The following HMGA2 variants were observed in gnomAD, a reference collection of about 807,000 sequenced individuals.
The protein encoded by HMGA2 is high mobility group protein HMGI-C.
HMGA2 carries 8 observed loss-of-function variants against 19.1 expected under a neutral mutation model. That is an observed-to-expected ratio of 0.42 (90% CI 0.25 to 0.76). HMGA2 has a LOEUF of 0.76. HMGA2 is among the 30% of genes least tolerant of loss of function. The probability of loss-of-function intolerance (pLI) is 0.28; values close to 1 mark genes in which losing one functional copy is unlikely to be tolerated. For missense variants in HMGA2, 109 were observed against 136.3 expected (o/e 0.80, Z 1.00); for synonymous variants, 60 against 48.8 (o/e 1.23, Z -0.96).
At chr12:65,862,374 A>C (rs540366189) in intron 3 of HMGA2, among the ~76,000 whole-genome samples, 123 of 152,060 alleles carry the variant, frequency 8.1e-4, no homozygotes, top group African/African-American at 2.8e-3. Flanking sequence ...CAGTACCACC[A>C]CCACTACTAC....
In HMGA2 at chr12:65,837,585, C is replaced by T. The variant is rs552619209; in HGVS notation, c.199-934C>T. 2.4e-3 allele frequency among the ~76,000 whole-genome samples: 360 copies of T among 152,170 alleles called. 3 individuals carry two copies. The highest frequency in any genetic ancestry group is 8.1e-3 in the African/African-American group (335 of 41,518). On this transcript the variant is annotated intron_variant, in intron 2 of 4. Transcript: ENST00000403681. Reference sequence around the variant, plus strand: ...CAATATGTACTAAGTTTTCTTTATCCTAAAAAGCAGGAACACGTTTTTATA... The same window carrying T: ...CAATATGTACTAAGTTTTCTTTATCTTAAAAAGCAGGAACACGTTTTTATA...
At position 65,855,454 on chromosome 12, in the gene HMGA2, T is replaced by TCACACACA. The variant is rs1287271542; in HGVS notation, c.249+16886_249+16887insACACACAC. 6.3e-4 allele frequency among the ~76,000 whole-genome samples: 63 copies of TCACACACA among 100,596 alleles called. 1 individual carries two copies. Among genetic ancestry groups the TCACACACA allele is most frequent in the African/African-American group, 2.3e-3 (58 of 25,138 alleles). 66.0% of individuals were successfully genotyped at this position (100,596 alleles called of 152,430 possible). ...CTCTTTCTCTTTCTCTCTCTCTCTC[T>TCACACACA]CTCTCACACACACACACACACACAC... On this transcript the variant is annotated intron_variant, in intron 3 of 4. Transcript: ENST00000403681.
chr12:65,905,211 A>G (rs1334141343), intron 3 of HMGA2, among the ~76,000 whole-genome samples: 1 of 147,572 alleles, frequency 6.8e-6, no homozygotes, highest in Non-Finnish European at 1.5e-5. Flanking sequence ...CACACATAAT[A>G]GAAAATAAGG....
chr12:65,896,214 C>T (rs1170914190), intron 3 of HMGA2, among the ~76,000 whole-genome samples: 1 of 152,138 alleles, frequency 6.6e-6, no homozygotes, highest in African/African-American at 2.4e-5. Context: ...TCTGAGATCC[C>T]ATTTTTGTCC....
At chr12:65,855,312 T>C (rs974892715) in intron 3 of HMGA2, among the ~76,000 whole-genome samples, 1 of 152,190 alleles carries the variant, frequency 6.6e-6, no homozygotes, top group Non-Finnish European at 1.5e-5. Context: ...AGTAGAACCA[T>C]GTCATCTTGA....
rs1170706030 is a variant in HMGA2, at chr12:65,825,145, C to T, written c.-126C>T. 1.4e-6 allele frequency: 1 copy of T among 738,412 alleles called. No individual in the cohort carries two copies. Among genetic ancestry groups the T allele is most frequent in the Non-Finnish European group, 2.1e-6 (1 of 484,568 alleles). 45.7% of individuals were successfully genotyped at this position (738,412 alleles called of 1,614,324 possible). ...CTAAGCAACAGCAGCCCTCGCAGCC[C>T]GCCAGCTCGCGCTCGCCCCGCCGGC... On this transcript the variant is annotated 5_prime_UTR_variant, in exon 1 of 5. Transcript: ENST00000403681. The surrounding 1 kb of genome is among the most constrained non-coding windows in gnomAD (Gnocchi z 4.4).
At chr12:65,884,155 C>T (rs781101868) in intron 3 of HMGA2, among the ~76,000 whole-genome samples, 10 of 152,154 alleles carry the variant, frequency 6.6e-5, no homozygotes, top group Non-Finnish European at 1.5e-4. Context: ...TGTGAGCCAC[C>T]GTATCTGGCT....
intron 2 of HMGA2, among the ~76,000 whole-genome samples, chr12:65,834,019 G>A (rs1870592085): frequency 6.6e-6 from 1 of 152,100 alleles, no homozygotes; most frequent in African/African-American, 2.4e-5. Flanking sequence ...TCTGATTTAG[G>A]CATTGTGGTC....
chr12:65,866,935 T>G (rs746345426), intron 3 of HMGA2: 1 of 456,868 alleles, frequency 2.2e-6, no homozygotes, highest in Non-Finnish European at 4.4e-6. Flanking sequence ...GATAGGAACA[T>G]GTGCCTTCCC....
intron 3 of HMGA2, among the ~76,000 whole-genome samples, chr12:65,926,835 A>G (rs1176048142): frequency 2.0e-5 from 3 of 152,038 alleles, no homozygotes; most frequent in African/African-American, 7.2e-5. Flanking sequence ...GCTCTGAGAG[A>G]GGTTTGGGTG....
At chr12:65,842,305 G>T in intron 3 of HMGA2, 1 of 605,118 alleles carries the variant, frequency 1.7e-6, no homozygotes, top group South Asian at 1.6e-5. Context: ...GCATGCAAAG[G>T]GCTTAATAAA....
At position 65,964,669 on chromosome 12, in the gene HMGA2, C is replaced by T. The variant is rs942982804; in HGVS notation, c.*1377C>T. The T allele has an allele frequency of 4.8e-6, 1 of 206,758 alleles. No individual in the cohort carries two copies. Among genetic ancestry groups the T allele is most frequent in the African/African-American group, 2.3e-5 (1 of 43,864 alleles). The allele number at this position is 206,758 out of a possible 1,614,324, so 12.8% of individuals were successfully genotyped here. ...CTAATCATCTGCAGTTCTTTTTGTA[C>T]ACTTAATTACAGTTAAAGAAGCAAT... is the stretch of plus-strand genomic sequence containing the variant. On this transcript the variant is annotated 3_prime_UTR_variant, in exon 5 of 5. Transcript: ENST00000403681.
intron 3 of HMGA2, among the ~76,000 whole-genome samples, chr12:65,937,276 T>C (rs754436445): frequency 4.1e-4 from 62 of 152,174 alleles, no homozygotes; most frequent in Non-Finnish European, 7.2e-4. Flanking sequence ...GAGACAAGCA[T>C]CTCATTTCAA....
chr12:65,864,147 G>T (rs1592398031), intron 3 of HMGA2, among the ~76,000 whole-genome samples: 1 of 152,014 alleles, frequency 6.6e-6, no homozygotes, highest in South Asian at 2.1e-4. Flanking sequence ...TATATCTGAG[G>T]TATCCATAGT....
At chr12:65,895,968 T>A (rs977379365) in intron 3 of HMGA2, among the ~76,000 whole-genome samples, 9 of 152,198 alleles carry the variant, frequency 5.9e-5, no homozygotes, top group African/African-American at 2.2e-4. Flanking sequence ...TGTGTTTTCT[T>A]ATCTGTAAAG....
In HMGA2 at chr12:65,828,045, C is replaced by A; in HGVS notation, c.156C>A (p.Pro52=). 1.2e-6 allele frequency: 2 copies of A among 1,613,784 alleles called. No individual in the cohort carries two copies. Among genetic ancestry groups the A allele is most frequent in the Non-Finnish European group, 1.7e-6 (2 of 1,179,824 alleles). Residue 52 remains proline, a synonymous_variant, in exon 2 of 5, where the codon CCC becomes CCA. Coordinates refer to ENST00000403681, the MANE Select transcript of HMGA2 (RefSeq NM_003483.6). The part of the protein sequence containing the change: ...EPSPKRPRGR[P]KGSKNKSPSK... Reference sequence around the variant, plus strand: ...CTCCTAAGAGACCCAGGGGAAGACCCAAAGGCAGCAAAAACAAGAGTCCCT... The same window carrying A: ...CTCCTAAGAGACCCAGGGGAAGACCAAAAGGCAGCAAAAACAAGAGTCCCT...
chr12:65,931,706 T>C (rs1179172094), intron 3 of HMGA2, among the ~76,000 whole-genome samples: 1 of 152,052 alleles, frequency 6.6e-6, no homozygotes, highest in Non-Finnish European at 1.5e-5. Context: ...AGTGCATGGA[T>C]CTATTAGTGG....
intron 3 of HMGA2, among the ~76,000 whole-genome samples, chr12:65,886,790 C>T (rs1227289044): frequency 6.6e-6 from 1 of 152,188 alleles, no homozygotes; most frequent in Non-Finnish European, 1.5e-5. Context: ...GAGAAATTTC[C>T]AGACAAAGCT....
chr12:65,859,467 C>T (rs1187109161), intron 3 of HMGA2: 3 of 152,172 alleles, frequency 2.0e-5, no homozygotes, highest in African/African-American at 7.2e-5. Context: ...TACCATTTTT[C>T]TTATATACAT....
Sources: gnomAD v4.1 joint callset for allele counts (sites outside exome capture counted in the v4.1 genomes callset) on GRCh38, gnomAD v4.1.1 for gene constraint, Gnocchi (gnomAD v3.1) non-coding constraint, MANE v1.5 for transcripts, NCBI Gene and HGNC (gene_info 2026-07-23, HGNC 2026-07-21) for gene names.